Variants in TAFA1 observed in about 807,000 individuals in gnomAD.
The protein encoded by TAFA1 is TAFA chemokine like family member 1, also known as chemokine-like protein TAFA-1.
A neutral mutation model predicts 18.5 loss-of-function variants in TAFA1; 4 were observed. The ratio of observed to expected loss-of-function variants is 0.22; its 90% CI spans 0.11 to 0.49. TAFA1 has a LOEUF of 0.49. Among genes scored for constraint, TAFA1 ranks in the 20% least tolerant of loss-of-function variants. The pLI, the probability that TAFA1 is intolerant of heterozygous loss-of-function variation, is 0.98. For synonymous variants in TAFA1, 56 were observed against 55.2 expected (o/e 1.01, Z -0.06); for missense variants, 147 against 169.0 (o/e 0.87, Z 0.72).
intron 2 of TAFA1, among the ~76,000 whole-genome samples, chr3:68,085,488 G>T (rs145913312): frequency 1.3e-5 from 2 of 152,316 alleles, no homozygotes; most frequent in African/African-American, 4.8e-5. Context: ...GGGCATTTCA[G>T]TGATTCTCCT....
At chr3:68,183,009 C>A (rs2066223231) in intron 2 of TAFA1, among the ~76,000 whole-genome samples, 1 of 152,070 alleles carries the variant, frequency 6.6e-6, no homozygotes, top group African/African-American at 2.4e-5. Context: ...TTGGTTCAAC[C>A]AACCCTCCCA....
chr3:68,496,960 C>T (rs1327311987), intron 3 of TAFA1, among the ~76,000 whole-genome samples: 2 of 152,016 alleles, frequency 1.3e-5, no homozygotes, highest in Non-Finnish European at 2.9e-5. Flanking sequence ...GCTGTTGTTA[C>T]TTCTTGTCAG....
chr3:67,996,030 T>C, the TAFA1 span, among the ~76,000 whole-genome samples: 125,795 of 152,254 alleles, frequency 0.83, 52,114 homozygotes, highest in South Asian at 0.89. Context: ...GGTGAGTGAA[T>C]AGTGATAAAT....
intron 2 of TAFA1, among the ~76,000 whole-genome samples, chr3:68,070,593 C>A (rs1301923602): frequency 6.6e-6 from 1 of 152,216 alleles, no homozygotes; most frequent in Non-Finnish European, 1.5e-5. Context: ...GCTTGAATTT[C>A]TCCTCAGAGA....
chr3:68,081,796 G>A (rs1187897824), intron 2 of TAFA1, among the ~76,000 whole-genome samples: 2 of 152,208 alleles, frequency 1.3e-5, no homozygotes, highest in Non-Finnish European at 2.9e-5. Context: ...TAGAGGTGGA[G>A]CCTACAGAGG....
chr3:68,313,701 T>A (rs1261795199), intron 2 of TAFA1, among the ~76,000 whole-genome samples: 1 of 152,090 alleles, frequency 6.6e-6, no homozygotes, highest in Non-Finnish European at 1.5e-5. Flanking sequence ...CTGAAAAGAG[T>A]ACAGAAAATA....
intron 2 of TAFA1, among the ~76,000 whole-genome samples, chr3:68,182,412 C>T (rs1004070073): frequency 1.3e-5 from 2 of 152,198 alleles, no homozygotes; most frequent in African/African-American, 2.4e-5. Context: ...TGCATGGTGC[C>T]GTCAGCTTCT....
intron 3 of TAFA1, among the ~76,000 whole-genome samples, chr3:68,462,686 A>T (rs2071806671): frequency 6.6e-6 from 1 of 152,156 alleles, no homozygotes; most frequent in African/African-American, 2.4e-5. Context: ...TATCATCAGG[A>T]TAGTTCCTTG....
intron 2 of TAFA1, among the ~76,000 whole-genome samples, chr3:68,295,861 T>C (rs1219946356): frequency 6.6e-6 from 1 of 152,172 alleles, no homozygotes; most frequent in African/African-American, 2.4e-5. Context: ...CCTCTCTCCT[T>C]GGCCTCCTGT....
chr3:68,443,097 A>T (rs2071413836), intron 3 of TAFA1, among the ~76,000 whole-genome samples: 1 of 152,082 alleles, frequency 6.6e-6, no homozygotes, highest in African/African-American at 2.4e-5. Flanking sequence ...AGGCCCATCT[A>T]CTTCGTAATT....
chr3:68,334,817 C>T (rs1188401652), intron 2 of TAFA1, among the ~76,000 whole-genome samples: 1 of 152,042 alleles, frequency 6.6e-6, no homozygotes, highest in Non-Finnish European at 1.5e-5. Context: ...TATCATCTTG[C>T]TGTTTGTTGT....
At chr3:68,212,354 C>T (rs770840981) in intron 2 of TAFA1, among the ~76,000 whole-genome samples, 3 of 151,928 alleles carry the variant, frequency 2.0e-5, no homozygotes, top group Non-Finnish European at 4.4e-5. Flanking sequence ...AATTTAATGG[C>T]AGCCATTGAG....
chr3:68,356,791 T>A (rs77722062), intron 2 of TAFA1, among the ~76,000 whole-genome samples: 4 of 151,966 alleles, frequency 2.6e-5, no homozygotes, highest in African/African-American at 9.7e-5. Flanking sequence ...CATACATACA[T>A]GCATACATAC....
chr3:68,431,495 C>T (rs2071171060), intron 3 of TAFA1, among the ~76,000 whole-genome samples: 1 of 151,984 alleles, frequency 6.6e-6, no homozygotes, highest in African/African-American at 2.4e-5. Context: ...TTATTATCCC[C>T]ATTTTAATGA....
intron 2 of TAFA1, among the ~76,000 whole-genome samples, chr3:68,035,672 A>T (rs1705031126): frequency 6.6e-6 from 1 of 152,228 alleles, no homozygotes; most frequent in Non-Finnish European, 1.5e-5. Flanking sequence ...CAGAAATCCC[A>T]CTTCTGAGTA....
At chr3:68,372,717 T>G (rs2069735439) in intron 2 of TAFA1, among the ~76,000 whole-genome samples, 1 of 151,984 alleles carries the variant, frequency 6.6e-6, no homozygotes, top group Non-Finnish European at 1.5e-5. Flanking sequence ...AAAACCCACA[T>G]GCAAGAAAGT....
At chr3:68,118,164 G>T (rs144653417) in intron 2 of TAFA1, among the ~76,000 whole-genome samples, 2,321 of 152,230 alleles carry the variant, frequency 0.015, 62 homozygotes, top group African/African-American at 0.053. Context: ...TGTAGAATCA[G>T]TGGGAGCCCT....
intron 2 of TAFA1, among the ~76,000 whole-genome samples, chr3:68,319,842 T>C (rs72930449): frequency 0.026 from 3,915 of 152,302 alleles, 124 homozygotes; most frequent in African/African-American, 0.075. Context: ...AAGCCATGGT[T>C]TGAATCTACT....
intron 3 of TAFA1, among the ~76,000 whole-genome samples, chr3:68,517,688 A>T (rs2106743266): frequency 6.6e-6 from 1 of 152,312 alleles, no homozygotes. Flanking sequence ...TACTCCACAA[A>T]AGCAGAACTA....
Sources: allele counts gnomAD v4.1 joint callset (sites outside exome capture counted in the v4.1 genomes callset), GRCh38; gene constraint gnomAD v4.1.1; transcripts MANE v1.5; gene names NCBI Gene and HGNC (gene_info 2026-07-23, HGNC 2026-07-21).